NDUFAF6: variants seen among roughly 807,000 people sequenced by gnomAD.
NDUFAF6 encodes the protein NADH:ubiquinone oxidoreductase complex assembly factor 6, also known as NADH dehydrogenase (ubiquinone) complex I, assembly factor 6.
In NDUFAF6, 45 loss-of-function variants were observed where a neutral mutation model predicts 40.8. That is an observed-to-expected ratio of 1.10 (90% CI 0.87 to 1.42). The LOEUF is 1.42. NDUFAF6 is among the 40% of genes most tolerant of loss of function. The probability of loss-of-function intolerance (pLI) is 0.00; values close to 1 mark genes in which losing one functional copy is unlikely to be tolerated. For missense variants in NDUFAF6, 435 were observed against 418.5 expected, an observed-to-expected ratio of 1.04 and a Z score of -0.34; for synonymous variants, 185 against 155.9, an observed-to-expected ratio of 1.19 and a Z score of -1.39.
At chr8:95,071,113 G>T (rs990879002) in intron 9 of NDUFAF6, among the ~76,000 whole-genome samples, 1 of 152,018 alleles carries the variant, frequency 6.6e-6, no homozygotes, top group Non-Finnish European at 1.5e-5. Flanking sequence ...GCAACCGGCC[G>T]GGCGCGGTGG....
intron 2 of NDUFAF6, among the ~76,000 whole-genome samples, chr8:95,003,417 C>T (rs1490277233): frequency 6.6e-6 from 1 of 152,144 alleles, no homozygotes; most frequent in East Asian, 1.9e-4. Flanking sequence ...AGCAATGGAG[C>T]TGTTTGTGGT....
chr8:95,038,792 C>T (rs1279515955), intron 3 of NDUFAF6, among the ~76,000 whole-genome samples: 1 of 152,050 alleles, frequency 6.6e-6, no homozygotes, highest in African/African-American at 2.4e-5. Flanking sequence ...ATTCTCCTGC[C>T]TCAGCCTCCG....
At chr8:95,063,023 G>A (rs1035544937), downstream of NDUFAF6, among the ~76,000 whole-genome samples, 6 of 152,200 alleles carry the variant, frequency 3.9e-5, no homozygotes, top group Non-Finnish European at 7.3e-5. Context: ...AGGTTGTTAA[G>A]TACAGCTGGA....
upstream of NDUFAF6, chr8:95,024,984 T>A (rs985685952): frequency 2.3e-6 from 3 of 1,294,536 alleles, no homozygotes; most frequent in East Asian, 3.1e-5. Context: ...CGGCGGGGGG[T>A]CGAAGGGCAC....
At position 95,053,238 on chromosome 8, in the gene NDUFAF6, A is replaced by G. The variant is rs547184896; in HGVS notation, c.873+1008A>G. On this transcript the variant is annotated intron_variant, in intron 8 of 8. Transcript: ENST00000396124. ...TTTTAAATTTTCGTAGTGTAAGAGAATACAAAAGAAGAAATCAGAGTTCTC... is the reference window on the plus strand; with the variant it reads ...TTTTAAATTTTCGTAGTGTAAGAGAGTACAAAAGAAGAAATCAGAGTTCTC... Among the ~76,000 whole-genome samples the G allele has an allele frequency of 3.3e-5, 5 of 152,354 alleles. No homozygotes were observed. In the South Asian group the frequency reaches 1.0e-3, roughly 32 times the overall value.
At chr8:95,099,982 C>T (rs1238846364), upstream of NDUFAF6, among the ~76,000 whole-genome samples, 2 of 152,170 alleles carry the variant, frequency 1.3e-5, no homozygotes, top group African/African-American at 4.8e-5. Flanking sequence ...TGTCTAGGCT[C>T]TTTAGTGCTG....
chr8:94,998,317 AG>A (rs1196043838), intron 2 of NDUFAF6, among the ~76,000 whole-genome samples: 2 of 152,022 alleles, frequency 1.3e-5, no homozygotes, highest in African/African-American at 4.8e-5. Flanking sequence ...CCTTGTCCCC[AG>A]ATGACAACTA....
At chr8:94,946,174 T>C (rs1255940857) in intron 2 of NDUFAF6, among the ~76,000 whole-genome samples, 1 of 152,108 alleles carries the variant, frequency 6.6e-6, no homozygotes, top group Non-Finnish European at 1.5e-5. Flanking sequence ...TGCACTGTTT[T>C]GTATCTCACT....
Position 94,930,808 on chromosome 8 carries a change from A to G in NDUFAF6, c.-935-14675A>G, listed in dbSNP as rs562140556. On this transcript the variant is annotated intron_variant, in intron 1 of 14. Transcript: ENST00000396113. The stretch of plus-strand genomic sequence containing the variant: ...ACTGGAAAAGTTACTTAGCAATTCA[A>G]TTTGCCACGCTAATTTGTTTATGGC... 311 of 1,470,150 alleles carry G rather than the reference A, an allele frequency of 2.1e-4. 1 individual carries two copies. The highest frequency in any genetic ancestry group is 2.5e-4 in the Non-Finnish European group (269 of 1,091,206). 91.1% of individuals were successfully genotyped at this position (1,470,150 alleles called of 1,614,324 possible).
chr8:94,904,423 G>T (rs189981250), intron 1 of NDUFAF6, among the ~76,000 whole-genome samples: 2 of 133,210 alleles, frequency 1.5e-5, no homozygotes, highest in Non-Finnish European at 3.1e-5. Flanking sequence ...TGATCTGCCC[G>T]CCTCGGCCTC....
rs182119440 is a variant in NDUFAF6 at position 95,018,921 on chromosome 8, G to A, written c.-83-13074G>A. Among the ~76,000 whole-genome samples the A allele has an allele frequency of 1.4e-4, 21 of 152,314 alleles. No homozygotes were observed. The East Asian group carries it at 3.3e-3, about 24-fold the overall frequency. ...CTATGGCATAGGCAAGGTATTTGTG[G>A]TTTCTGGTACATAGCTGTAACTCCA... On this transcript the variant is annotated intron_variant, in intron 2 of 9. Coordinates refer to the NDUFAF6 transcript ENST00000396111.
intron 5 of NDUFAF6, among the ~76,000 whole-genome samples, 171 bp downstream of exon 5, chr8:95,045,818 C>G (rs1189896923): frequency 6.6e-6 from 1 of 152,006 alleles, no homozygotes; most frequent in Non-Finnish European, 1.5e-5. Flanking sequence ...GAATTTATAT[C>G]TCTTTCTTTG....
chr8:95,069,845 T>A (rs1484407911), intron 9 of NDUFAF6, among the ~76,000 whole-genome samples: 1 of 147,070 alleles, frequency 6.8e-6, no homozygotes, highest in Non-Finnish European at 1.5e-5. Context: ...TGTATAATAT[T>A]ATTTTTTTCC....
upstream of NDUFAF6, among the ~76,000 whole-genome samples, chr8:94,956,834 G>C (rs1823117867): frequency 6.6e-6 from 1 of 152,144 alleles, no homozygotes; most frequent in Non-Finnish European, 1.5e-5. Context: ...ATCAAGGATG[G>C]TGCTTGGGGC....
intron 2 of NDUFAF6, among the ~76,000 whole-genome samples, chr8:94,997,159 G>A (rs1170350752): frequency 2.0e-5 from 3 of 152,160 alleles, no homozygotes; most frequent in Admixed American, 6.6e-5. Context: ...GGAGAGGAAC[G>A]TGACAGATGT....
chr8:95,003,900 T>C (rs970274354), intron 2 of NDUFAF6, among the ~76,000 whole-genome samples: 1 of 152,216 alleles, frequency 6.6e-6, no homozygotes, highest in African/African-American at 2.4e-5. Context: ...TAATGCTTTA[T>C]TGGGTTTCTC....
In NDUFAF6 at chr8:95,069,933, G is replaced by A. The variant is rs374860536; in HGVS notation, c.*512-5700G>A. On this transcript the variant is annotated intron_variant and NMD_transcript_variant, in intron 9 of 9. Coordinates refer to the NDUFAF6 transcript ENST00000520757. Reference sequence around the variant, plus strand: ...ACATAATGAGTTAGAAACCTGTCCAGCCACATACCAGATGCATAGGCTGGG... The same window carrying A: ...ACATAATGAGTTAGAAACCTGTCCAACCACATACCAGATGCATAGGCTGGG... Among the ~76,000 whole-genome samples the A allele has an allele frequency of 4.7e-3, 711 of 149,780 alleles. 8 individuals carry two copies. The highest frequency in any genetic ancestry group is 0.017 in the African/African-American group (670 of 39,590).
chr8:94,948,605 G>A (rs1822228481), intron 2 of NDUFAF6, among the ~76,000 whole-genome samples: 1 of 152,192 alleles, frequency 6.6e-6, no homozygotes, highest in African/African-American at 2.4e-5. Flanking sequence ...GAGGGCAGGC[G>A]CAGGGGACGG....
intron 2 of NDUFAF6, among the ~76,000 whole-genome samples, chr8:94,946,865 A>C (rs1822064144): frequency 6.6e-6 from 1 of 152,104 alleles, no homozygotes; most frequent in Non-Finnish European, 1.5e-5. Context: ...TGCCAGTGTA[A>C]GGATTAAGTG....
Sources: allele counts gnomAD v4.1 joint callset (sites outside exome capture counted in the v4.1 genomes callset), GRCh38; gene constraint gnomAD v4.1.1; transcripts MANE v1.5; gene names NCBI Gene and HGNC (gene_info 2026-07-23, HGNC 2026-07-21).